The following CMC2 variants were observed in gnomAD, a reference collection of about 807,000 sequenced individuals.
The protein encoded by CMC2 is C-X9-C motif containing 2.
In CMC2, 5 loss-of-function variants were observed where a neutral mutation model predicts 7.5. The observed-to-expected ratio is 0.66, with a 90% CI of 0.35 to 1.40. CMC2 has a LOEUF of 1.40. Ranked by LOEUF, CMC2 falls within the 40% of genes most tolerant of loss-of-function variation. The pLI, the probability that CMC2 is intolerant of heterozygous loss-of-function variation, is 0.04. For missense variants in CMC2, 115 were observed against 92.3 expected (o/e 1.25, Z -1.01); for synonymous variants, 37 against 31.4 (o/e 1.18, Z -0.60).
At chr16:81,002,316 C>T (rs1372012703) in intron 1 of CMC2, among the ~76,000 whole-genome samples, 1 of 152,088 alleles carries the variant, frequency 6.6e-6, no homozygotes, top group Non-Finnish European at 1.5e-5. Flanking sequence ...ATCCCAGCTA[C>T]TTGGGAGGCC....
chr16:80,989,521 T>A (rs915593988), intron 2 of CMC2, among the ~76,000 whole-genome samples: 14 of 152,214 alleles, frequency 9.2e-5, no homozygotes, highest in Non-Finnish European at 1.6e-4. Flanking sequence ...GTACAAGATG[T>A]TGCAGGTTCT....
Position 81,006,786 on chromosome 16 carries a change from C to G in CMC2, c.-88G>C. 1 of 985,684 alleles carries G rather than the reference C, an allele frequency of 1.0e-6. No homozygotes were observed. Among genetic ancestry groups the G allele is most frequent in the Non-Finnish European group, 1.2e-6 (1 of 830,142 alleles). 61.1% of individuals were successfully genotyped at this position (985,684 alleles called of 1,614,324 possible). ...GAAGCGGCAGTAGCCGGCGGAGACGCCCGACCCGAAGGCCGGCTGCTAGGG... is the reference window on the plus strand; with the variant it reads ...GAAGCGGCAGTAGCCGGCGGAGACGGCCGACCCGAAGGCCGGCTGCTAGGG... On this transcript the variant is annotated 5_prime_UTR_variant, in exon 1 of 4. Transcript: ENST00000219400.
At chr16:80,981,473 A>C (rs1372287539) in intron 3 of CMC2, among the ~76,000 whole-genome samples, 1 of 152,180 alleles carries the variant, frequency 6.6e-6, no homozygotes, top group Non-Finnish European at 1.5e-5. Flanking sequence ...AGTTTTAGTT[A>C]CCTACCAATC....
At position 80,981,801 on chromosome 16, in the gene CMC2, C is replaced by A. The variant is rs753441999; in HGVS notation, c.153+5G>T. On this transcript the variant is annotated splice_donor_5th_base_variant and intron_variant, in intron 3 of 3. Transcript: ENST00000219400. ...ACCATATCCATCCTTTGACACTTTT[C>A]TTACCTCATTCTTCAGGCATTTTCT... is the stretch of plus-strand genomic sequence containing the variant. The A allele has an allele frequency of 6.3e-7, 1 of 1,591,156 alleles. No individual in the cohort carries two copies. Among genetic ancestry groups the A allele is most frequent in the Non-Finnish European group, 8.6e-7 (1 of 1,160,858 alleles).
At position 80,975,102 on chromosome 16, in the gene CMC2, G is replaced by T. The variant is rs941097002; in HGVS notation, c.*991C>A. Reference sequence around the variant, plus strand: ...GACTTCCAGATTGTCACAGGTCTCAGAAACACTTGGCAGAAGGAACACTGG... The same window carrying T: ...GACTTCCAGATTGTCACAGGTCTCATAAACACTTGGCAGAAGGAACACTGG... On this transcript the variant is annotated 3_prime_UTR_variant, in exon 4 of 4. Transcript: ENST00000219400. The T allele has an allele frequency of 6.6e-6, 1 of 152,356 alleles. No homozygotes were observed. The highest frequency in any genetic ancestry group is 2.4e-5 in the African/African-American group (1 of 41,474). 9.4% of individuals were successfully genotyped at this position (152,356 alleles called of 1,614,324 possible).
chr16:80,985,099 T>C (rs1266180604), intron 2 of CMC2, among the ~76,000 whole-genome samples: 1 of 152,212 alleles, frequency 6.6e-6, no homozygotes, highest in Non-Finnish European at 1.5e-5. Flanking sequence ...AAGGTGGATC[T>C]GGGTCCTACT....
intron 1 of CMC2, among the ~76,000 whole-genome samples, chr16:81,003,791 G>C (rs1175611519): frequency 1.3e-5 from 2 of 152,158 alleles, no homozygotes; most frequent in East Asian, 1.9e-4. Context: ...CAAAAAAAGA[G>C]AAGAGTATTG....
chr16:80,992,727 A>G (rs1409796422), intron 2 of CMC2, among the ~76,000 whole-genome samples: 3 of 62,366 alleles, frequency 4.8e-5, no homozygotes, highest in Admixed American at 1.9e-4. Flanking sequence ...TTTTTTGTGT[A>G]AAGACAGGGT....
rs547107262 is a variant in CMC2, at chr16:80,975,582, C to G, written c.*511G>C. 1 of 152,554 alleles carries G rather than the reference C, an allele frequency of 6.6e-6. No homozygotes were observed. The highest frequency in any genetic ancestry group is 2.4e-5 in the African/African-American group (1 of 41,516). 9.5% of individuals were successfully genotyped at this position (152,554 alleles called of 1,614,324 possible). A position where few individuals can be genotyped will look rare whatever the true frequency, so the allele number is the denominator to read the frequency against. ...TAAGCTGAGATCGCACCACTGCACT[C>G]CAGCCTGGGCAGCAAAGTAACACTA... On this transcript the variant is annotated 3_prime_UTR_variant, in exon 4 of 4. Transcript: ENST00000219400.
chr16:81,004,423 G>A (rs991833531), intron 1 of CMC2, among the ~76,000 whole-genome samples: 8 of 152,150 alleles, frequency 5.3e-5, no homozygotes, highest in Non-Finnish European at 8.8e-5. Flanking sequence ...GACTGCCTGG[G>A]GAGGAAGGCT....
chr16:81,006,648 G>A lies in CMC2; in HGVS notation c.-36+86C>T. On this transcript the variant is annotated intron_variant, in intron 1 of 3. Transcript: ENST00000219400. ...CACCTCCTGGGGCCGACGGGCGGCA[G>A]GAAGGGGCTCGGCGGGACGCGCCAT... 4.2e-6 allele frequency: 4 copies of A among 947,994 alleles called. 1 individual carries two copies. The highest frequency in any genetic ancestry group is 9.7e-5 in the South Asian group (2 of 20,564). 58.7% of individuals were successfully genotyped at this position (947,994 alleles called of 1,614,324 possible).
chr16:80,982,222 G>A (rs897884422), intron 2 of CMC2: 5 of 168,662 alleles, frequency 3.0e-5, no homozygotes, highest in Non-Finnish European at 5.1e-5. Flanking sequence ...TGTAAATACT[G>A]GCCGGGCACG....
At chr16:80,978,436 G>C (rs1361580330) in intron 3 of CMC2, 1 of 1,213,108 alleles carries the variant, frequency 8.2e-7, no homozygotes, top group Admixed American at 2.4e-5. Context: ...GGGGAGAAAA[G>C]GATGAATATG....
intron 3 of CMC2, among the ~76,000 whole-genome samples, chr16:80,980,066 G>A (rs1404982487): frequency 6.6e-6 from 1 of 152,104 alleles, no homozygotes; most frequent in Non-Finnish European, 1.5e-5. Context: ...CCACAGGTCT[G>A]TGCCACCACA....
chr16:80,992,625 C>T (rs1296954924), intron 2 of CMC2, among the ~76,000 whole-genome samples: 1 of 151,096 alleles, frequency 6.6e-6, no homozygotes, highest in African/African-American at 2.4e-5. Context: ...GTTTAAAGGC[C>T]ATCTTTTCTT....
At chr16:80,986,523 A>C (rs1171783060) in intron 2 of CMC2, among the ~76,000 whole-genome samples, 1 of 152,244 alleles carries the variant, frequency 6.6e-6, no homozygotes, top group Non-Finnish European at 1.5e-5. Context: ...CCAGGGTGGA[A>C]AATTGATTTA....
chr16:80,980,020 G>A (rs1966999355), intron 3 of CMC2, among the ~76,000 whole-genome samples: 1 of 152,140 alleles, frequency 6.6e-6, no homozygotes, highest in Non-Finnish European at 1.5e-5. Flanking sequence ...CTGGGCTCAA[G>A]CGATCCTCCC....
rs1225509193 is a variant in CMC2, at chr16:80,971,766, T to C, written c.*4327A>G. 1.3e-5 allele frequency: 2 copies of C among 152,016 alleles called. No individual in the cohort carries two copies. The highest frequency in any genetic ancestry group is 2.9e-5 in the Non-Finnish European group (2 of 68,020). The allele number at this position is 152,016 out of a possible 1,614,324, so 9.4% of individuals were successfully genotyped here. A position where few individuals can be genotyped will look rare whatever the true frequency, so the allele number is the denominator to read the frequency against. The stretch of plus-strand genomic sequence containing the variant: ...TTTAAACCTGTATTTTTTAAAAGTA[T>C]GACTTAGATAGCAGCTATGTGAGTG... On this transcript the variant is annotated 3_prime_UTR_variant, in exon 4 of 4. Transcript: ENST00000219400.
At chr16:80,978,698 A>G (rs1469596639) in intron 3 of CMC2, among the ~76,000 whole-genome samples, 1 of 151,844 alleles carries the variant, frequency 6.6e-6, no homozygotes, top group Non-Finnish European at 1.5e-5. Context: ...ACAAGACTCC[A>G]TCTCTCTAAA....
Sources: gnomAD v4.1 joint callset for allele counts (sites outside exome capture counted in the v4.1 genomes callset) on GRCh38, gnomAD v4.1.1 for gene constraint, MANE v1.5 for transcripts, NCBI Gene and HGNC (gene_info 2026-07-23, HGNC 2026-07-21) for gene names.